The following NRXN1 variants were observed in gnomAD, a reference collection of about 807,000 sequenced individuals.
NRXN1 encodes the protein neurexin 1.
In NRXN1, 39 loss-of-function variants were observed where a neutral mutation model predicts 150.9. That is an observed-to-expected ratio of 0.26 (90% CI 0.20 to 0.34). NRXN1 has a LOEUF of 0.34. Ranked by LOEUF, NRXN1 falls within the 10% of genes least tolerant of loss-of-function variation. The probability of loss-of-function intolerance (pLI) is 1.00; values close to 1 mark genes in which losing one functional copy is unlikely to be tolerated. For missense variants in NRXN1, 1,815 were observed against 1,949.9 expected, an observed-to-expected ratio of 0.93 and a Z score of 1.30; for synonymous variants, 924 against 757.0, an observed-to-expected ratio of 1.22 and a Z score of -3.62.
intron 18 of NRXN1, among the ~76,000 whole-genome samples, chr2:50,133,498 T>C (rs1313560562): frequency 1.3e-5 from 2 of 152,224 alleles, no homozygotes; most frequent in African/African-American, 4.8e-5. Context: ...GCTTGGATAG[T>C]ACCAGACAGA....
At chr2:50,647,374 T>C (rs192499941) in intron 5 of NRXN1, among the ~76,000 whole-genome samples, 3 of 151,970 alleles carry the variant, frequency 2.0e-5, no homozygotes, top group East Asian at 1.9e-4. Flanking sequence ...CTAAAGCAGA[T>C]AGAGAACATG....
intron 18 of NRXN1, among the ~76,000 whole-genome samples, chr2:50,161,039 G>A (rs1400883): frequency 6.6e-6 from 1 of 152,028 alleles, no homozygotes; most frequent in African/African-American, 2.4e-5. Flanking sequence ...CAGCATTTTA[G>A]GGGAACAATT....
intron 17 of NRXN1, among the ~76,000 whole-genome samples, chr2:50,246,448 G>T (rs1285485728): frequency 6.6e-6 from 1 of 151,950 alleles, no homozygotes; most frequent in Non-Finnish European, 1.5e-5. Context: ...GTAATTTTAG[G>T]CTAAAACCAG....
chr2:50,259,364 CAGAT>C (rs2068026111), intron 17 of NRXN1, among the ~76,000 whole-genome samples: 1 of 151,802 alleles, frequency 6.6e-6, no homozygotes, highest in South Asian at 2.1e-4. Context: ...GCCATTCACT[CAGAT>C]AGGAAACATC....
chr2:50,037,214 G>T (rs564880617), intron 21 of NRXN1, among the ~76,000 whole-genome samples: 1 of 152,084 alleles, frequency 6.6e-6, no homozygotes, highest in Non-Finnish European at 1.5e-5. Context: ...TTAGGTTTGA[G>T]TGTAAAATTT....
At chr2:50,313,778 A>G (rs551830130) in intron 17 of NRXN1, among the ~76,000 whole-genome samples, 1 of 152,224 alleles carries the variant, frequency 6.6e-6, no homozygotes, top group African/African-American at 2.4e-5. Flanking sequence ...TTAGGGAAGA[A>G]AAAGTATGAA....
intron 5 of NRXN1, among the ~76,000 whole-genome samples, chr2:50,716,085 T>C (rs1418843629): frequency 6.6e-6 from 1 of 152,120 alleles, no homozygotes; most frequent in Non-Finnish European, 1.5e-5. Context: ...CTGATATAAA[T>C]GAAGTAAATG....
At chr2:50,375,953 A>G (rs2080456708) in intron 17 of NRXN1, among the ~76,000 whole-genome samples, 1 of 151,962 alleles carries the variant, frequency 6.6e-6, no homozygotes. Context: ...AGCCCTTAAA[A>G]TAGAACGATA....
intron 2 of NRXN1, among the ~76,000 whole-genome samples, chr2:50,936,228 C>T (rs1688524515): frequency 6.6e-6 from 1 of 152,142 alleles, no homozygotes; most frequent in African/African-American, 2.4e-5. Context: ...AGCTAACCGG[C>T]CGACTGGTCA....
At chr2:50,152,507 T>G (rs1304698653) in intron 18 of NRXN1, among the ~76,000 whole-genome samples, 5 of 151,806 alleles carry the variant, frequency 3.3e-5, no homozygotes, top group African/African-American at 4.8e-5. Flanking sequence ...CTACTTACAC[T>G]ATGTTTCCCG....
intron 2 of NRXN1, among the ~76,000 whole-genome samples, chr2:50,989,135 G>A (rs550580902): frequency 6.6e-6 from 1 of 152,014 alleles, no homozygotes; most frequent in South Asian, 2.1e-4. Flanking sequence ...GGGATAATCA[G>A]TGAGAAATAA....
chr2:50,936,563 C>G (rs1688571614), intron 2 of NRXN1, among the ~76,000 whole-genome samples: 1 of 152,072 alleles, frequency 6.6e-6, no homozygotes, highest in Non-Finnish European at 1.5e-5. Flanking sequence ...GTAGCTTAGA[C>G]AATGTATATC....
At chr2:50,633,706 A>G (rs1682767567) in intron 5 of NRXN1, among the ~76,000 whole-genome samples, 1 of 152,134 alleles carries the variant, frequency 6.6e-6, no homozygotes, top group African/African-American at 2.4e-5. Context: ...CAGAAAGAGC[A>G]TAGAATCCAA....
chr2:50,914,477 G>C (rs1035031034), intron 5 of NRXN1, among the ~76,000 whole-genome samples: 4 of 151,636 alleles, frequency 2.6e-5, no homozygotes, highest in Non-Finnish European at 5.9e-5. Flanking sequence ...GACATGCAAA[G>C]ATTAATTACT....
chr2:50,310,296 T>G (rs1575033456), intron 17 of NRXN1, among the ~76,000 whole-genome samples: 1 of 152,188 alleles, frequency 6.6e-6, no homozygotes, highest in Non-Finnish European at 1.5e-5. Context: ...CAGGAAATCC[T>G]AGGTCCTCTA....
At chr2:50,014,048 T>C (rs529091438) in intron 21 of NRXN1, among the ~76,000 whole-genome samples, 2 of 152,054 alleles carry the variant, frequency 1.3e-5, no homozygotes, top group South Asian at 2.1e-4. Context: ...ATATTAAAAG[T>C]ATAGCACTAG....
intron 5 of NRXN1, among the ~76,000 whole-genome samples, chr2:50,829,999 G>GAAAAAAAAAAAAAAAAAAAAAAAAAAA (rs572758147): frequency 1.7e-5 from 1 of 58,206 alleles, no homozygotes; most frequent in African/African-American, 1.1e-4. Flanking sequence ...CTGCCTGCTG[G>GAAAAAAAAAAAAAAAAAAAAAAAAAAA]AAAAAAAAAA....
intron 17 of NRXN1, among the ~76,000 whole-genome samples, chr2:50,266,268 G>A (rs1253556043): frequency 6.7e-6 from 1 of 149,828 alleles, no homozygotes; most frequent in African/African-American, 2.4e-5. Flanking sequence ...CAAAATGCTG[G>A]GATTACAGGT....
chr2:49,940,740 A>C (rs1200395434), intron 22 of NRXN1, among the ~76,000 whole-genome samples: 2 of 152,214 alleles, frequency 1.3e-5, no homozygotes, highest in African/African-American at 4.8e-5. Context: ...GAAAAAAAGT[A>C]ATAGGGAGGT....
Sources: allele counts gnomAD v4.1 joint callset (sites outside exome capture counted in the v4.1 genomes callset), GRCh38; gene constraint gnomAD v4.1.1; transcripts MANE v1.5; gene names NCBI Gene and HGNC (gene_info 2026-07-23, HGNC 2026-07-21).